The following PINX1 variants were observed in gnomAD, a reference collection of about 807,000 sequenced individuals.
The protein encoded by PINX1 is PIN2/TERF1-interacting telomerase inhibitor 1.
A neutral mutation model predicts 25.4 loss-of-function variants in PINX1; 34 were observed. That is an observed-to-expected ratio of 1.34 (90% CI 1.02 to 1.78). The LOEUF is 1.78. Ranked by LOEUF, PINX1 falls within the 40% of genes most tolerant of loss-of-function variation. PINX1 has a pLI of 0.00. For synonymous variants in PINX1, 197 were observed against 147.7 expected, an observed-to-expected ratio of 1.33 and a Z score of -2.42; for missense variants, 592 against 404.9, an observed-to-expected ratio of 1.46 and a Z score of -3.97.
chr8:10,787,760 A>G, intron 6 of PINX1: 1 of 454,876 alleles, frequency 2.2e-6, no homozygotes, highest in Non-Finnish European at 4.4e-6. Flanking sequence ...GGAAGGTGAA[A>G]TCAACAAAAT....
chr8:10,804,401 G>C (rs1802370257), intron 6 of PINX1, among the ~76,000 whole-genome samples: 1 of 152,154 alleles, frequency 6.6e-6, no homozygotes, highest in African/African-American at 2.4e-5. Flanking sequence ...GGTGAGAAGA[G>C]CCCCGGGAGG....
intron 6 of PINX1, among the ~76,000 whole-genome samples, chr8:10,798,723 G>C (rs554731241): frequency 2.0e-5 from 3 of 152,310 alleles, no homozygotes; most frequent in African/African-American, 7.2e-5. Context: ...ATTCAGAAAA[G>C]GTGAATTATT....
chr8:10,782,927 G>C (rs975601319), intron 6 of PINX1, among the ~76,000 whole-genome samples: 4 of 152,168 alleles, frequency 2.6e-5, no homozygotes, highest in Middle Eastern at 3.2e-3. Context: ...CTAAATAAAG[G>C]ATATAAATAT....
At chr8:10,839,596 G>T in intron 1 of PINX1, 142 bp downstream of exon 1, 1 of 812,336 alleles carries the variant, frequency 1.2e-6, no homozygotes. Context: ...GACAATCAGA[G>T]CCGGGCTCGG....
At chr8:10,785,921 A>T (rs1801733542) in intron 6 of PINX1, among the ~76,000 whole-genome samples, 2 of 152,236 alleles carry the variant, frequency 1.3e-5, no homozygotes, top group African/African-American at 4.8e-5. Context: ...TGAAAATCAA[A>T]TTAAAGATGG....
intron 6 of PINX1, among the ~76,000 whole-genome samples, chr8:10,811,687 G>A (rs533723397): frequency 2.6e-5 from 4 of 152,302 alleles, no homozygotes; most frequent in African/African-American, 4.8e-5. Flanking sequence ...CGGGGTGCCT[G>A]CATAACTCAC....
At chr8:10,817,515 A>C (rs1243121565) in intron 6 of PINX1, among the ~76,000 whole-genome samples, 2 of 152,258 alleles carry the variant, frequency 1.3e-5, no homozygotes, top group Non-Finnish European at 2.9e-5. Flanking sequence ...AAGGATGTCA[A>C]AGATAAATGT....
intron 6 of PINX1, among the ~76,000 whole-genome samples, chr8:10,819,662 T>G (rs1797805427): frequency 6.6e-6 from 1 of 152,244 alleles, no homozygotes; most frequent in South Asian, 2.1e-4. Flanking sequence ...CCCATTCTTT[T>G]CTTCTAGTTG....
At chr8:10,789,108 GAT>G (rs1454754035) in intron 6 of PINX1, among the ~76,000 whole-genome samples, 4 of 152,186 alleles carry the variant, frequency 2.6e-5, no homozygotes, top group Non-Finnish European at 5.9e-5. Context: ...TCCCTCACGG[GAT>G]GAGCAGGCAT....
At position 10,827,543 on chromosome 8, in the gene PINX1, G is replaced by A. The variant is rs74410909; in HGVS notation, c.302-1299C>T. On this transcript the variant is annotated intron_variant, in intron 4 of 6. Coordinates refer to ENST00000314787, the MANE Select transcript of PINX1 (RefSeq NM_017884.6). ...TCAGACAGAAGAGTGCCACAGAAAC[G>A]ATCATAGGCAGAAGAGAGACTAAAT... Among the ~76,000 whole-genome samples, 1,323 of 152,020 alleles carry A rather than the reference G, an allele frequency of 8.7e-3. 20 individuals carry two copies. The highest frequency in any genetic ancestry group is 0.055 in the East Asian group (282 of 5,132).
At chr8:10,817,704 G>C (rs1563228933) in intron 6 of PINX1, among the ~76,000 whole-genome samples, 1 of 152,174 alleles carries the variant, frequency 6.6e-6, no homozygotes, top group Admixed American at 6.5e-5. Flanking sequence ...CTCGGATGGG[G>C]ATGTACAGGC....
intron 6 of PINX1, among the ~76,000 whole-genome samples, chr8:10,819,934 T>A (rs1056685198): frequency 3.3e-5 from 5 of 152,180 alleles, no homozygotes; most frequent in African/African-American, 1.2e-4. Flanking sequence ...CCAAGTTTAA[T>A]CTAGTCCTCA....
At chr8:10,832,774 G>C (rs571024031) in intron 3 of PINX1, 118 bp downstream of exon 3, 1 of 585,962 alleles carries the variant, frequency 1.7e-6, no homozygotes, top group Non-Finnish European at 3.1e-6. Flanking sequence ...AAGAGGAAAC[G>C]TGAATAAAAA....
chr8:10,821,365 C>A (rs1042332911), intron 5 of PINX1, among the ~76,000 whole-genome samples: 1 of 152,194 alleles, frequency 6.6e-6, no homozygotes, highest in Non-Finnish European at 1.5e-5. Context: ...AAACCAGGTG[C>A]CAAAACCAGT....
Position 10,834,764 on chromosome 8 carries a change from G to A in PINX1, c.31C>T (p.Gln11Ter). The change falls in exon 2 of 7, where the codon CAG becomes TAG. Residue 11 changes from glutamine (Q) to a stop codon, truncating the protein, a stop_gained. Coordinates refer to ENST00000314787, the MANE Select transcript of PINX1 (RefSeq NM_017884.6). LOFTEE classifies it high-confidence loss of function. Reference sequence around the variant, plus strand: ...TTCTGAGGATCCACAGCCCACTTCTGCTTCCGCCGACCTGTAAATGAAAAA... The same window carrying A: ...TTCTGAGGATCCACAGCCCACTTCTACTTCCGCCGACCTGTAAATGAAAAA... MSMLAERRRKQKWAVDPQNTA... is the reference protein window; with the variant it reads MSMLAERRRK The A allele has an allele frequency of 6.2e-7, 1 of 1,612,352 alleles. No homozygotes were observed. The highest frequency in any genetic ancestry group is 8.5e-7 in the Non-Finnish European group (1 of 1,179,160).
At chr8:10,832,768 G>C (rs1402961856) in intron 3 of PINX1, 124 bp downstream of exon 3, 3 of 582,944 alleles carry the variant, frequency 5.1e-6, no homozygotes. Context: ...GTGTTCAAGA[G>C]GAAACGTGAA....
chr8:10,815,632 T>G (rs1209777783), intron 6 of PINX1, among the ~76,000 whole-genome samples: 1 of 151,998 alleles, frequency 6.6e-6, no homozygotes, highest in Non-Finnish European at 1.5e-5. Flanking sequence ...TTAAAGGAGG[T>G]CACAAACTCA....
At chr8:10,782,124 T>C (rs1403962807) in intron 6 of PINX1, among the ~76,000 whole-genome samples, 1 of 151,996 alleles carries the variant, frequency 6.6e-6, no homozygotes, top group Non-Finnish European at 1.5e-5. Context: ...ACTGATAAGA[T>C]GGAATAGAAA....
At chr8:10,783,088 C>T (rs541668893) in intron 6 of PINX1, among the ~76,000 whole-genome samples, 1 of 152,216 alleles carries the variant, frequency 6.6e-6, no homozygotes, top group African/African-American at 2.4e-5. Context: ...AAAGATATAT[C>T]AACCAATTGT....
Sources: gnomAD v4.1 joint callset for allele counts (sites outside exome capture counted in the v4.1 genomes callset) on GRCh38, gnomAD v4.1.1 for gene constraint, MANE v1.5 for transcripts, NCBI Gene and HGNC (gene_info 2026-07-23, HGNC 2026-07-21) for gene names.